TG: variants seen among roughly 807,000 people sequenced by gnomAD.
TG encodes thyroglobulin.
A neutral mutation model predicts 324.7 loss-of-function variants in TG; 270 were observed. The ratio of observed to expected loss-of-function variants is 0.83; its 90% CI spans 0.75 to 0.92. TG has a LOEUF of 0.92. Among genes scored for constraint, TG ranks in the 40% least tolerant of loss-of-function variants. The probability of loss-of-function intolerance (pLI) is 0.00; values close to 1 mark genes in which losing one functional copy is unlikely to be tolerated. For missense variants in TG, 3,591 were observed against 3,456.4 expected (o/e 1.04, Z -0.98); for synonymous variants, 1,401 against 1,327.0 (o/e 1.06, Z -1.21).
At chr8:133,121,956 C>G (rs1336534893) in intron 45 of TG, among the ~76,000 whole-genome samples, 1 of 152,170 alleles carries the variant, frequency 6.6e-6, no homozygotes, top group Non-Finnish European at 1.5e-5. Flanking sequence ...AAAAAGACAT[C>G]TCTCTTTCTC....
rs151306598 is a variant in TG, at chr8:132,929,190, C to T, written c.4814C>T (p.Thr1605Ile). The T allele has an allele frequency of 6.2e-7, 1 of 1,613,038 alleles. No homozygotes were observed. The highest frequency in any genetic ancestry group is 8.5e-7 in the Non-Finnish European group (1 of 1,179,008). The stretch of plus-strand genomic sequence containing the variant: ...GAGTTCCCCGTGATGCAGTGCTTGA[C>T]AGGTGAGGAGTGGTGGGGAGATATG... ...DSEFPVMQCL[T>I]DCTEDEACSF... The change falls in exon 23 of 48, where the codon ACA becomes ATA. Residue 1605 changes from threonine (T) to isoleucine (I), a missense_variant and splice_region_variant. Transcript: ENST00000220616.
At chr8:133,042,801 C>T (rs1453267038) in intron 41 of TG, among the ~76,000 whole-genome samples, 1 of 148,292 alleles carries the variant, frequency 6.7e-6, no homozygotes, top group East Asian at 2.0e-4. Context: ...TCAAGTGATT[C>T]CCCTGCCTCA....
intron 29 of TG, among the ~76,000 whole-genome samples, chr8:132,963,960 C>G (rs1401835047): frequency 6.6e-6 from 1 of 152,166 alleles, no homozygotes; most frequent in East Asian, 1.9e-4. Context: ...GTAAAAGAAT[C>G]TTGTCTACCT....
Position 132,887,192 on chromosome 8 carries a change from C to A in TG, c.1820C>A (p.Thr607Asn). Residue 607 changes from threonine to asparagine, a missense_variant, in exon 9 of 48, where the codon ACC becomes AAC. Thr to Asn is a moderately conservative substitution (Grantham distance 65, BLOSUM62 0). Coordinates refer to ENST00000220616, the MANE Select transcript of TG (RefSeq NM_003235.5). ...ATGGAAACGGTACTCAGCTCCCAGA[C>A]CTGTGAGCAGACACCTGAAAGGCTA... ...DVMETVLSSQ[T>N]CEQTPERLFV... The A allele has an allele frequency of 6.2e-7, 1 of 1,613,344 alleles. No individual in the cohort carries two copies.
At chr8:132,901,877 G>C (rs1190581226) in intron 16 of TG, among the ~76,000 whole-genome samples, 1 of 152,144 alleles carries the variant, frequency 6.6e-6, no homozygotes, top group Non-Finnish European at 1.5e-5. Context: ...GTGGTTGCAG[G>C]ATCTCAGTGT....
At chr8:132,931,088 A>C (rs1156519423) in intron 23 of TG, among the ~76,000 whole-genome samples, 3 of 152,196 alleles carry the variant, frequency 2.0e-5, no homozygotes, top group Non-Finnish European at 4.4e-5. Flanking sequence ...GAAGTCCAGG[A>C]TCAAGGTGTT....
intron 45 of TG, among the ~76,000 whole-genome samples, chr8:133,125,132 A>G (rs893048626): frequency 6.6e-6 from 1 of 152,240 alleles, no homozygotes; most frequent in Non-Finnish European, 1.5e-5. Context: ...TATGCTGCAG[A>G]TCCCCTTCCA....
intron 5 of TG, 96 bp downstream of exon 5, chr8:132,873,317 A>T: frequency 6.8e-7 from 1 of 1,467,120 alleles, no homozygotes; most frequent in African/African-American, 1.4e-5. Flanking sequence ...TATGTGCAGC[A>T]TGATAAGGAA....
chr8:133,074,960 G>A, intron 41 of TG: 1 of 985,496 alleles, frequency 1.0e-6, no homozygotes, highest in Non-Finnish European at 1.2e-6. Context: ...GAATAAACAG[G>A]CAGCCGGGCT....
At chr8:132,970,232 A>G (rs1171252969) in intron 32 of TG, among the ~76,000 whole-genome samples, 1 of 152,076 alleles carries the variant, frequency 6.6e-6, no homozygotes, top group Non-Finnish European at 1.5e-5. Context: ...AATTTATTTT[A>G]TGATTGATTT....
At chr8:133,094,407 G>GT (rs1384771941) in intron 41 of TG, among the ~76,000 whole-genome samples, 1 of 151,620 alleles carries the variant, frequency 6.6e-6, no homozygotes, top group African/African-American at 2.4e-5. Context: ...CGCCTGGCTA[G>GT]TTTTTTGTAT....
intron 27 of TG, among the ~76,000 whole-genome samples, chr8:132,956,117 T>C (rs552614239): frequency 6.6e-6 from 1 of 152,350 alleles, no homozygotes; most frequent in Non-Finnish European, 1.5e-5. Context: ...ACCTTCTTAT[T>C]CTATTCTATT....
intron 41 of TG, among the ~76,000 whole-genome samples, chr8:133,085,492 A>G (rs568203663): frequency 3.3e-5 from 5 of 152,344 alleles, no homozygotes; most frequent in African/African-American, 7.2e-5. Context: ...CATAAAGAAC[A>G]CTTACAACTC....
chr8:132,936,733 C>T (rs376189031), intron 25 of TG, among the ~76,000 whole-genome samples: 1 of 152,202 alleles, frequency 6.6e-6, no homozygotes, highest in South Asian at 2.1e-4. Context: ...CCCTGCTCAC[C>T]CCCTGCCTCC....
chr8:133,017,896 G>C lies in TG; in HGVS notation c.6681G>C (p.Gln2227His). Residue 2227 changes from glutamine (Q) to histidine (H), a missense_variant, in exon 38 of 48, where the codon CAG (glutamine) becomes CAC (histidine). Transcript: ENST00000220616. The part of the protein sequence containing the change: ...QVGTSWKQVD[Q>H]FLGVPYAAPP... ...GTACCTCATGGAAGCAAGTGGACCA[G>C]TTCCTTGGAGTTCCATATGCTGCCC... is the stretch of plus-strand genomic sequence containing the variant. The C allele has an allele frequency of 6.2e-7, 1 of 1,614,232 alleles. No individual in the cohort carries two copies.
Position 132,941,547 on chromosome 8 carries a change from T to C in TG, c.5233+5T>C, listed in dbSNP as rs541592704. On this transcript the variant is annotated splice_donor_5th_base_variant and intron_variant, in intron 26 of 47. Transcript: ENST00000220616. Reference sequence around the variant, plus strand: ...TCCTCACACAGGTTCAAGGAGGTAATGTTGGCAGTGAGGGCCAGGGCCTAA... The same window carrying C: ...TCCTCACACAGGTTCAAGGAGGTAACGTTGGCAGTGAGGGCCAGGGCCTAA... 2.4e-5 allele frequency: 38 copies of C among 1,614,088 alleles called. No homozygotes were observed. The South Asian group carries it at 3.0e-4, about 13-fold the overall frequency.
At position 133,029,861 on chromosome 8, in the gene TG, G is replaced by A; in HGVS notation, c.7077G>A (p.Gln2359=). The stretch of plus-strand genomic sequence containing the variant: ...GTGGCAACTGGGGGCTGCTGGACCA[G>A]GTGGCGGCTCTGACCTGGGTGCAGA... ...EVSGNWGLLD[Q]VAALTWVQTH... The change falls in exon 41 of 48, where the codon CAG becomes CAA. Residue 2359 remains glutamine (Q), a synonymous_variant. Coordinates refer to ENST00000220616, the MANE Select transcript of TG (RefSeq NM_003235.5). The A allele has an allele frequency of 6.2e-7, 1 of 1,614,214 alleles. No homozygotes were observed. Among genetic ancestry groups the A allele is most frequent in the Non-Finnish European group, 8.5e-7 (1 of 1,180,014 alleles).
At chr8:133,116,493 C>T in intron 44 of TG, 116 bp from the exon 45 acceptor site, 1 of 824,262 alleles carries the variant, frequency 1.2e-6, no homozygotes, top group Non-Finnish European at 2.1e-6. Flanking sequence ...TCTTGTAGGC[C>T]TGGCAGGGGT....
At chr8:132,868,592 C>T (rs187957405) in intron 2 of TG, among the ~76,000 whole-genome samples, 331 of 152,336 alleles carry the variant, frequency 2.2e-3, no homozygotes, top group Non-Finnish European at 3.6e-3. Flanking sequence ...CCTCTCCCTC[C>T]TCCAAGTATC....
Sources: allele counts gnomAD v4.1 joint callset (sites outside exome capture counted in the v4.1 genomes callset), GRCh38; gene constraint gnomAD v4.1.1; transcripts MANE v1.5; gene names NCBI Gene and HGNC (gene_info 2026-07-23, HGNC 2026-07-21).